The following SEC22A variants were observed in gnomAD, a reference collection of about 807,000 sequenced individuals.
SEC22A encodes the protein vesicle-trafficking protein SEC22a.
Under a neutral mutation model 35.3 loss-of-function variants are expected in SEC22A, and 22 were observed. The observed-to-expected ratio is 0.62, with a 90% CI of 0.45 to 0.89. SEC22A has a LOEUF of 0.89. SEC22A is among the 40% of genes least tolerant of loss of function. The probability of loss-of-function intolerance (pLI) is 0.00; values close to 1 mark genes in which losing one functional copy is unlikely to be tolerated. For missense variants in SEC22A, 354 were observed against 362.5 expected (o/e 0.98, Z 0.19); for synonymous variants, 119 against 129.5 (o/e 0.92, Z 0.55).
intron 5 of SEC22A, among the ~76,000 whole-genome samples, chr3:123,250,132 C>T (rs1229752313): frequency 6.6e-6 from 1 of 152,084 alleles, no homozygotes; most frequent in Non-Finnish European, 1.5e-5. Context: ...GTTGGAGGGG[C>T]TGGGCACGGT....
At chr3:123,229,116 T>C (rs1208289262) in intron 4 of SEC22A, among the ~76,000 whole-genome samples, 1 of 152,094 alleles carries the variant, frequency 6.6e-6, no homozygotes, top group Admixed American at 6.5e-5. Flanking sequence ...TGAAGAACAT[T>C]AGTCTGCTCT....
chr3:123,235,127 A>G (rs770661159), intron 4 of SEC22A, among the ~76,000 whole-genome samples: 1 of 152,204 alleles, frequency 6.6e-6, no homozygotes, highest in Non-Finnish European at 1.5e-5. Flanking sequence ...TCGTCGGCTC[A>G]AACAATCCTC....
At chr3:123,244,693 T>C (rs1305576682) in intron 4 of SEC22A, among the ~76,000 whole-genome samples, 1 of 152,224 alleles carries the variant, frequency 6.6e-6, no homozygotes, top group African/African-American at 2.4e-5. Context: ...TCTGCTATAA[T>C]GGCTGAATAT....
At chr3:123,257,008 CTCG>C (rs1937747864) in intron 5 of SEC22A, among the ~76,000 whole-genome samples, 1 of 152,102 alleles carries the variant, frequency 6.6e-6, no homozygotes, top group African/African-American at 2.4e-5. Flanking sequence ...ATCTGCCCAC[CTCG>C]GCCTCCCAAA....
chr3:123,255,910 ACTTT>A (rs1937719283), intron 5 of SEC22A, among the ~76,000 whole-genome samples: 1 of 146,936 alleles, frequency 6.8e-6, no homozygotes, highest in Admixed American at 6.8e-5. Flanking sequence ...CTACCATTTT[ACTTT>A]CTTCTTTCTT....
intron 2 of SEC22A, among the ~76,000 whole-genome samples, chr3:123,220,731 A>T (rs1003130021): frequency 1.3e-5 from 2 of 151,832 alleles, no homozygotes; most frequent in African/African-American, 4.8e-5. Context: ...GATGCTTCAG[A>T]AAGGAACAAC....
At chr3:123,243,050 G>T (rs1937538417) in intron 4 of SEC22A, among the ~76,000 whole-genome samples, 1 of 151,894 alleles carries the variant, frequency 6.6e-6, no homozygotes, top group African/African-American at 2.4e-5. Context: ...ATCAATTTGT[G>T]TCCACCTCCC....
chr3:123,214,880 G>A (rs376266520), intron 2 of SEC22A, among the ~76,000 whole-genome samples: 3 of 152,280 alleles, frequency 2.0e-5, no homozygotes, highest in South Asian at 2.1e-4. Flanking sequence ...ATTTGAAGCC[G>A]TATAATCGCT....
chr3:123,210,293 T>G (rs1468042883), intron 2 of SEC22A, among the ~76,000 whole-genome samples: 1 of 152,118 alleles, frequency 6.6e-6, no homozygotes, highest in Non-Finnish European at 1.5e-5. Flanking sequence ...TAGTAATGAA[T>G]AGAAGTAGTT....
At chr3:123,250,159 C>T (rs1937599397) in intron 5 of SEC22A, among the ~76,000 whole-genome samples, 1 of 152,124 alleles carries the variant, frequency 6.6e-6, no homozygotes, top group Admixed American at 6.5e-5. Flanking sequence ...CACCTGTAAT[C>T]CCAGTACTTT....
chr3:123,225,746 G>GTTGA (rs1353429517), intron 4 of SEC22A, among the ~76,000 whole-genome samples: 1 of 152,034 alleles, frequency 6.6e-6, no homozygotes, highest in Non-Finnish European at 1.5e-5. Flanking sequence ...ATAAATTATT[G>GTTGA]TTGACTGTAG....
chr3:123,259,778 T>C (rs1937836162), intron 6 of SEC22A, among the ~76,000 whole-genome samples, 189 bp downstream of exon 6: 1 of 152,194 alleles, frequency 6.6e-6, no homozygotes, highest in Non-Finnish European at 1.5e-5. Context: ...GTGAACCTGA[T>C]GTTAACCTTC....
intron 5 of SEC22A, among the ~76,000 whole-genome samples, chr3:123,254,410 T>A (rs565261438): frequency 1.1e-4 from 17 of 152,326 alleles, no homozygotes; most frequent in African/African-American, 3.1e-4. Flanking sequence ...ATAGTGACAT[T>A]CATAAAAATG....
intron 2 of SEC22A, among the ~76,000 whole-genome samples, chr3:123,217,325 G>A (rs1438500894): frequency 6.6e-6 from 1 of 151,890 alleles, no homozygotes; most frequent in Non-Finnish European, 1.5e-5. Context: ...AGCCTCCTGA[G>A]TGGCTGGGAC....
rs760001899 is a variant in SEC22A at position 123,259,548 on chromosome 3, A to G, written c.682A>G (p.Ile228Val). 1.2e-6 allele frequency: 2 copies of G among 1,613,360 alleles called. No individual in the cohort carries two copies. Among genetic ancestry groups the G allele is most frequent in the Non-Finnish European group, 1.7e-6 (2 of 1,179,582 alleles). The change falls in exon 6 of 7, where the codon ATC becomes GTC. Residue 228 changes from isoleucine (I) to valine (V), a missense_variant. By Grantham distance (29) the Ile-to-Val change is conservative. Transcript: ENST00000492595. ...LQSDGDDFNY[I>V]IAFFLGTAAC... is the part of the protein sequence containing the mutation. ...GAGTGATGGTGATGATTTTAATTAC[A>G]TCATTGCATTTTTCCTTGGAACAGC...
At chr3:123,228,715 C>T (rs931650183) in intron 4 of SEC22A, among the ~76,000 whole-genome samples, 7 of 151,856 alleles carry the variant, frequency 4.6e-5, no homozygotes, top group African/African-American at 1.5e-4. Flanking sequence ...TCAAAGTAGT[C>T]ATTATAATCA....
At chr3:123,234,527 G>A (rs1042235694) in intron 4 of SEC22A, among the ~76,000 whole-genome samples, 2 of 151,960 alleles carry the variant, frequency 1.3e-5, no homozygotes, top group African/African-American at 4.8e-5. Context: ...TAGTCTTTTT[G>A]ACAAATGGTG....
At chr3:123,262,371 C>G (rs1937911823) in intron 6 of SEC22A, among the ~76,000 whole-genome samples, 1 of 152,160 alleles carries the variant, frequency 6.6e-6, no homozygotes, top group Non-Finnish European at 1.5e-5. Flanking sequence ...GTTGAAAAAC[C>G]AGTATACTTA....
rs1197094669 is a variant in SEC22A, at chr3:123,259,576, C to T, written c.710C>T (p.Ala237Val). 2 of 1,611,246 alleles carry T rather than the reference C, an allele frequency of 1.2e-6. No homozygotes were observed. Among genetic ancestry groups the T allele is most frequent in the Non-Finnish European group, 1.7e-6 (2 of 1,177,986 alleles). Residue 237 changes from alanine (A) to valine (V), a missense_variant, in exon 6 of 7, where the codon GCC becomes GTC. Physicochemically the swap from Ala to Val is moderately conservative, Grantham distance 64. Coordinates refer to ENST00000492595, the MANE Select transcript of SEC22A (RefSeq NM_012430.5). ...ATTGCATTTTTCCTTGGAACAGCAGCCTGCCTTTACCAGGTAGGTTTTCTT... is the reference window on the plus strand; with the variant it reads ...ATTGCATTTTTCCTTGGAACAGCAGTCTGCCTTTACCAGGTAGGTTTTCTT... ...YIIAFFLGTA[A>V]CLYQCYLLVY...
Sources: gnomAD v4.1 joint callset for allele counts (sites outside exome capture counted in the v4.1 genomes callset) on GRCh38, gnomAD v4.1.1 for gene constraint, MANE v1.5 for transcripts, NCBI Gene and HGNC (gene_info 2026-07-23, HGNC 2026-07-21) for gene names.